The following NOX5 variants were observed in gnomAD, a reference collection of about 807,000 sequenced individuals.
NOX5 encodes NADPH oxidase, EF-hand calcium binding domain 5.
Under a neutral mutation model 85.7 loss-of-function variants are expected in NOX5, and 76 were observed. That is an observed-to-expected ratio of 0.89 (90% CI 0.74 to 1.07). NOX5 has a LOEUF of 1.07. Among genes scored for constraint, NOX5 ranks in the 50% least tolerant of loss-of-function variants. The pLI is 0.00. For synonymous variants in NOX5, 405 were observed against 401.4 expected (o/e 1.01, Z -0.11); for missense variants, 973 against 999.5 (o/e 0.97, Z 0.36).
intron 1 of NOX5, chr15:69,023,153 G>A: frequency 2.9e-6 from 1 of 348,086 alleles, no homozygotes; most frequent in South Asian, 2.7e-5. Flanking sequence ...CAGAGAGGAA[G>A]AAGACTGAAG....
intron 3 of NOX5, chr15:69,029,237 G>A (rs2050398849): frequency 6.6e-6 from 1 of 152,092 alleles, no homozygotes; most frequent in Non-Finnish European, 1.5e-5. Flanking sequence ...TCATCTAAGT[G>A]GGATTATACA....
rs1353773072 is a variant in NOX5, at chr15:69,031,715, G to T, written c.523G>T (p.Glu175Ter). ...GGACCAGCTGACGCTGGCGCTCTTC[G>T]AATCGGCCGACGCGGACGGCAACGG... is the stretch of plus-strand genomic sequence containing the variant. ...KLDQLTLALF[E>*]SADADGNGAI... Residue 175 changes from glutamate (E) to a stop codon, truncating the protein, a stop_gained, in exon 4 of 16, where the codon GAA (glutamate) becomes TAA (stop). Coordinates refer to ENST00000388866, the MANE Select transcript of NOX5 (RefSeq NM_024505.4). LOFTEE classifies it high-confidence loss of function. 2 of 1,613,028 alleles carry T rather than the reference G, an allele frequency of 1.2e-6. No homozygotes were observed. Among genetic ancestry groups the T allele is most frequent in the Admixed American group, 1.7e-5 (1 of 59,950 alleles).
In NOX5 at chr15:69,047,919, C is replaced by T; in HGVS notation, c.1899+8C>T. 6.2e-7 allele frequency: 1 copy of T among 1,612,956 alleles called. No individual in the cohort carries two copies. The highest frequency in any genetic ancestry group is 8.5e-7 in the Non-Finnish European group (1 of 1,178,936). Reference sequence around the variant, plus strand: ...AACATGAAGCTCCATAAGGTGAGTACCACCTCCTGCAGGCAGGCCTCCAGA... The same window carrying T: ...AACATGAAGCTCCATAAGGTGAGTATCACCTCCTGCAGGCAGGCCTCCAGA... On this transcript the variant is annotated splice_region_variant and intron_variant, in intron 13 of 15. Coordinates refer to ENST00000388866, the MANE Select transcript of NOX5 (RefSeq NM_024505.4).
chr15:69,047,747 G>T (rs2050693734), intron 12 of NOX5, 83 bp from the exon 13 acceptor site: 2 of 1,473,120 alleles, frequency 1.4e-6, no homozygotes, highest in Non-Finnish European at 1.9e-6. Context: ...CCCCATCCTT[G>T]CTCCCTGTCC....
intron 1 of NOX5, among the ~76,000 whole-genome samples, chr15:69,018,068 C>T (rs2050252061): frequency 6.6e-6 from 1 of 152,086 alleles, no homozygotes; most frequent in Non-Finnish European, 1.5e-5. Flanking sequence ...GCACTTTCAA[C>T]TCTTGAGATG....
At chr15:69,053,889 C>T (rs758671716) in intron 14 of NOX5, among the ~76,000 whole-genome samples, 7 of 152,178 alleles carry the variant, frequency 4.6e-5, no homozygotes, top group South Asian at 2.1e-4. Flanking sequence ...CCATCCAGCA[C>T]GACTAGGGGT....
At chr15:69,038,730 G>A in intron 8 of NOX5, 127 bp from the exon 9 acceptor site, 1 of 1,301,638 alleles carries the variant, frequency 7.7e-7, no homozygotes, top group Non-Finnish European at 1.1e-6. Context: ...GCACAGAAGA[G>A]TGTCATGTCT....
intron 3 of NOX5, 138 bp from the exon 4 acceptor site, chr15:69,031,380 A>G (rs2050426648): frequency 2.1e-6 from 2 of 959,602 alleles, no homozygotes; most frequent in East Asian, 5.1e-5. Context: ...CTGTTGAGCT[A>G]GGCAGTCGGG....
At chr15:69,031,371 T>C (rs1459593923) in intron 3 of NOX5, 147 bp from the exon 4 acceptor site, 1 of 866,960 alleles carries the variant, frequency 1.2e-6, no homozygotes, top group African/African-American at 1.7e-5. Context: ...TGTCCATTGC[T>C]GTTGAGCTAG....
chr15:69,020,072 T>A (rs2050279037), intron 1 of NOX5, among the ~76,000 whole-genome samples: 1 of 152,250 alleles, frequency 6.6e-6, no homozygotes, highest in African/African-American at 2.4e-5. Context: ...TTTCTGTTTG[T>A]TTGTTTTTGC....
chr15:69,052,923 C>A (rs2050767737), intron 14 of NOX5, among the ~76,000 whole-genome samples: 1 of 152,088 alleles, frequency 6.6e-6, no homozygotes, highest in Admixed American at 6.5e-5. Context: ...TTTAAATTTT[C>A]TAGTTACTGG....
At position 69,061,815 on chromosome 15, in the gene NOX5, CAAAG is replaced by C. The variant is rs1196804389; in HGVS notation, c.*5125_*5128del. The C allele has an allele frequency of 6.6e-6, 1 of 151,876 alleles. No individual in the cohort carries two copies. The highest frequency in any genetic ancestry group is 2.4e-5 in the African/African-American group (1 of 41,310). The allele number at this position is 151,876 out of a possible 1,614,324, so 9.4% of individuals were successfully genotyped here. On this transcript the variant is annotated 3_prime_UTR_variant, in exon 16 of 16. Coordinates refer to ENST00000388866, the MANE Select transcript of NOX5 (RefSeq NM_024505.4). ...GTGTGAGTGTAGCCTGCTGGAGAAA[CAAAG>C]AAAGACAGGTAGTGAGTTTTAGTGT... is the stretch of plus-strand genomic sequence containing the variant.
At position 69,056,598 on chromosome 15, in the gene NOX5, A is replaced by T; in HGVS notation, c.2200A>T (p.Lys734Ter). ...GAAAGTGGCTGCTGAGAAGAAGGGC[A>T]AGGTGCAGGTCTTCTTCTGTGGCTC... is the stretch of plus-strand genomic sequence containing the variant. ...FQKVAAEKKG[K>*]VQVFFCGSPA... Residue 734 changes from lysine to a stop codon, truncating the protein, a stop_gained, in exon 16 of 16, where the codon AAG becomes TAG. Coordinates refer to ENST00000388866, the MANE Select transcript of NOX5 (RefSeq NM_024505.4). LOFTEE classifies it high-confidence loss of function. The T allele has an allele frequency of 6.2e-7, 1 of 1,613,644 alleles. No homozygotes were observed. Among genetic ancestry groups the T allele is most frequent in the Non-Finnish European group, 8.5e-7 (1 of 1,180,020 alleles).
intron 5 of NOX5, 51 bp from the exon 6 acceptor site, chr15:69,035,303 A>G: frequency 6.3e-7 from 1 of 1,590,440 alleles, no homozygotes. Flanking sequence ...GGAAAAGAGG[A>G]CAAGGCAGAC....
At chr15:69,044,547 A>G (rs1178550745) in intron 10 of NOX5, among the ~76,000 whole-genome samples, 3 of 152,216 alleles carry the variant, frequency 2.0e-5, no homozygotes, top group Non-Finnish European at 2.9e-5. Flanking sequence ...TAAATTGCTG[A>G]TCACCTTTAC....
intron 14 of NOX5, among the ~76,000 whole-genome samples, chr15:69,052,729 T>C (rs769722926): frequency 6.6e-6 from 1 of 152,222 alleles, no homozygotes; most frequent in African/African-American, 2.4e-5. Flanking sequence ...AAGTCAACAG[T>C]CTTTGGAAGA....
At chr15:69,055,634 G>A in intron 15 of NOX5, 134 bp downstream of exon 15, 1 of 905,342 alleles carries the variant, frequency 1.1e-6, no homozygotes, top group Non-Finnish European at 1.6e-6. Flanking sequence ...GGGACCTCGT[G>A]GTGTGAAAGG....
At chr15:69,046,688 C>G in intron 10 of NOX5, 134 bp from the exon 11 acceptor site, 1 of 738,398 alleles carries the variant, frequency 1.4e-6, no homozygotes, top group South Asian at 2.2e-5. Context: ...GCTTCGTGTT[C>G]CCTGAATGGT....
At chr15:69,025,746 A>G (rs1029859021) in intron 1 of NOX5, among the ~76,000 whole-genome samples, 30 of 152,190 alleles carry the variant, frequency 2.0e-4, no homozygotes, top group African/African-American at 7.2e-4. Context: ...GTAACTCCTC[A>G]CTCACTGCCT....
Sources: allele counts gnomAD v4.1 joint callset (sites outside exome capture counted in the v4.1 genomes callset), GRCh38; gene constraint gnomAD v4.1.1; transcripts MANE v1.5; gene names NCBI Gene and HGNC (gene_info 2026-07-23, HGNC 2026-07-21).